KIAA1217: variants seen among roughly 807,000 people sequenced by gnomAD.
KIAA1217 encodes the protein KIAA1217.
A neutral mutation model predicts 163.9 loss-of-function variants in KIAA1217; 88 were observed. That is an observed-to-expected ratio of 0.54 (90% CI 0.45 to 0.64). The LOEUF (loss-of-function observed/expected upper bound fraction) is 0.64. Among genes scored for constraint, KIAA1217 ranks in the 30% least tolerant of loss-of-function variants. The probability of loss-of-function intolerance (pLI) is 0.00; values close to 1 mark genes in which losing one functional copy is unlikely to be tolerated. For missense variants in KIAA1217, 2,372 were observed against 2,475.0 expected (o/e 0.96, Z 0.88); for synonymous variants, 903 against 923.1 (o/e 0.98, Z 0.39).
rs11013902 is a variant in KIAA1217, at chr10:24,113,690, C to A, written c.-170-105936C>A. Among the ~76,000 whole-genome samples the A allele has an allele frequency of 5.7e-3, 868 of 152,290 alleles. 2 individuals carry two copies. Among genetic ancestry groups the A allele is most frequent in the Middle Eastern group, 0.017 (5 of 294 alleles). ...CTGTCAAGACCGGGAAGACGAGGAC[C>A]AGGAAGCTGCTGTCCCAGATGTCCA... On this transcript the variant is annotated intron_variant, in intron 2 of 18. Transcript: ENST00000376462.
At chr10:24,461,062 C>T (rs1183992820) in intron 5 of KIAA1217, among the ~76,000 whole-genome samples, 2 of 152,308 alleles carry the variant, frequency 1.3e-5, no homozygotes, top group Non-Finnish European at 2.9e-5. Flanking sequence ...TCCAAGTTGA[C>T]ATCTGCCATT....
intron 3 of KIAA1217, among the ~76,000 whole-genome samples, chr10:24,387,320 T>C (rs964852661): frequency 1.3e-5 from 2 of 152,172 alleles, no homozygotes; most frequent in African/African-American, 4.8e-5. Flanking sequence ...ATTATCTCAA[T>C]AGATGCAGAA....
At chr10:24,509,235 C>T (rs2068768158) in intron 9 of KIAA1217, among the ~76,000 whole-genome samples, 1 of 152,174 alleles carries the variant, frequency 6.6e-6, no homozygotes, top group East Asian at 1.9e-4. Context: ...GTCCTGCAGC[C>T]TGGAGACAGT....
chr10:24,287,953 G>A (rs577266467), intron 2 of KIAA1217, among the ~76,000 whole-genome samples: 1 of 152,292 alleles, frequency 6.6e-6, no homozygotes, highest in Admixed American at 6.5e-5. Flanking sequence ...AGCCACCAGG[G>A]AGACATGTGA....
chr10:23,968,638 AC>A (rs2131386674), intron 1 of KIAA1217, among the ~76,000 whole-genome samples: 1 of 152,074 alleles, frequency 6.6e-6, no homozygotes, highest in South Asian at 2.1e-4. Flanking sequence ...TTACCACCCA[AC>A]CCCTGGCCCT....
intron 5 of KIAA1217, among the ~76,000 whole-genome samples, chr10:24,472,166 T>C (rs750602218): frequency 5.3e-5 from 8 of 152,146 alleles, no homozygotes; most frequent in Admixed American, 4.6e-4. Flanking sequence ...GTCAACTTCA[T>C]GTTGAATAGG....
At chr10:23,796,796 A>C (rs1277762329) in intron 1 of KIAA1217, among the ~76,000 whole-genome samples, 1 of 152,136 alleles carries the variant, frequency 6.6e-6, no homozygotes, top group Non-Finnish European at 1.5e-5. Context: ...TCACTGAAGG[A>C]ACAGAATACT....
At chr10:24,286,798 A>G (rs1187595113) in intron 2 of KIAA1217, among the ~76,000 whole-genome samples, 1 of 152,200 alleles carries the variant, frequency 6.6e-6, no homozygotes, top group Non-Finnish European at 1.5e-5. Context: ...GTTTCTCACC[A>G]AAGCATTCTG....
At chr10:24,300,537 G>A (rs941598373) in intron 2 of KIAA1217, among the ~76,000 whole-genome samples, 5 of 151,978 alleles carry the variant, frequency 3.3e-5, no homozygotes, top group Non-Finnish European at 4.4e-5. Context: ...GTTTCCTTAC[G>A]CTGTTCTGTG....
chr10:24,497,276 A>G lies in KIAA1217; in HGVS notation c.1834+2080A>G, dbSNP rs575799335. 5.1e-4 allele frequency among the ~76,000 whole-genome samples: 78 copies of G among 152,350 alleles called. 3 individuals are homozygous for G. The highest frequency in any genetic ancestry group is 3.5e-3 in the South Asian group (17 of 4,830). On this transcript the variant is annotated intron_variant, in intron 8 of 20. Transcript: ENST00000376454. ...ATGGAATGTGTAGTTTACTGTGGAA[A>G]GAGAACAGATGGAACCTCCCATCTC...
chr10:24,063,203 A>T (rs533906492), intron 2 of KIAA1217, among the ~76,000 whole-genome samples: 1 of 152,266 alleles, frequency 6.6e-6, no homozygotes, highest in South Asian at 2.1e-4. Context: ...TTTAGACATG[A>T]AGTCCTTCCC....
At chr10:24,175,443 ATGTGTGTG>A (rs137918207) in intron 2 of KIAA1217, among the ~76,000 whole-genome samples, 56 of 150,000 alleles carry the variant, frequency 3.7e-4, no homozygotes, top group Non-Finnish European at 5.8e-4. Flanking sequence ...GTGTATATAT[ATGTGTGTG>A]TGTGTGTGTG....
At chr10:24,283,997 C>T (rs924930640) in intron 2 of KIAA1217, among the ~76,000 whole-genome samples, 2 of 151,978 alleles carry the variant, frequency 1.3e-5, no homozygotes, top group African/African-American at 4.8e-5. Flanking sequence ...GCAGCCTCCA[C>T]CTCCTGGGTT....
At chr10:24,250,116 C>A (rs967751189) in intron 2 of KIAA1217, among the ~76,000 whole-genome samples, 50 of 152,174 alleles carry the variant, frequency 3.3e-4, no homozygotes, top group Non-Finnish European at 7.3e-5. Flanking sequence ...AGAGGTGTAA[C>A]TCACCCCTGA....
intron 1 of KIAA1217, among the ~76,000 whole-genome samples, chr10:23,998,875 C>T (rs1846617964): frequency 6.6e-6 from 1 of 151,916 alleles, no homozygotes; most frequent in African/African-American, 2.4e-5. Context: ...GTGTACACTC[C>T]AGATTTAATG....
chr10:24,304,358 A>C (rs2041760004), intron 2 of KIAA1217, among the ~76,000 whole-genome samples: 1 of 151,982 alleles, frequency 6.6e-6, no homozygotes, highest in Admixed American at 6.6e-5. Flanking sequence ...CATTTAAAAA[A>C]ATTTTTTTAC....
intron 13 of KIAA1217, among the ~76,000 whole-genome samples, chr10:24,526,442 C>T (rs2072198395): frequency 6.6e-6 from 1 of 152,184 alleles, no homozygotes; most frequent in East Asian, 1.9e-4. Flanking sequence ...AGATCCGTCA[C>T]TTAAGACGTC....
intron 2 of KIAA1217, among the ~76,000 whole-genome samples, chr10:24,375,264 C>T (rs564930589): frequency 7.0e-4 from 106 of 152,206 alleles, no homozygotes; most frequent in African/African-American, 2.5e-3. Flanking sequence ...TCCCTGTCTT[C>T]CTTCCCACCC....
chr10:23,791,215 T>A (rs1015534588), intron 1 of KIAA1217, among the ~76,000 whole-genome samples: 11 of 152,216 alleles, frequency 7.2e-5, no homozygotes, highest in Admixed American at 2.6e-4. Flanking sequence ...TTGCTGAATC[T>A]TTGAATTCTG....
Sources: gnomAD v4.1 joint callset for allele counts (sites outside exome capture counted in the v4.1 genomes callset) on GRCh38, gnomAD v4.1.1 for gene constraint, MANE v1.5 for transcripts, NCBI Gene and HGNC (gene_info 2026-07-23, HGNC 2026-07-21) for gene names.